Variants in FANCM observed in about 807,000 individuals in gnomAD.
FANCM encodes FA complementation group M.
Under a neutral mutation model 199.5 loss-of-function variants are expected in FANCM, and 140 were observed. That is an observed-to-expected ratio of 0.70 (90% CI 0.61 to 0.81). FANCM has a LOEUF of 0.81. Ranked by LOEUF, FANCM falls within the 30% of genes least tolerant of loss-of-function variation. FANCM has a pLI of 0.00. For missense variants in FANCM, 2,410 were observed against 2,421.4 expected (o/e 1.00, Z 0.10); for synonymous variants, 840 against 836.8 (o/e 1.00, Z -0.07).
intron 20 of FANCM, chr14:45,195,540 T>A (rs879276300): frequency 6.6e-6 from 3 of 456,558 alleles, no homozygotes; most frequent in African/African-American, 6.0e-5. Flanking sequence ...AAAGAGGAGC[T>A]CATGGTCCAC....
intron 11 of FANCM, among the ~76,000 whole-genome samples, chr14:45,170,084 G>A (rs1888242320): frequency 6.6e-6 from 1 of 152,066 alleles, no homozygotes. Flanking sequence ...CAGGTCTTAG[G>A]CAACCAAATG....
At position 45,185,329 on chromosome 14, in the gene FANCM, T is replaced by G; in HGVS notation, c.4628T>G (p.Leu1543Arg). The change falls in exon 18 of 23, where the codon CTT (leucine) becomes CGT (arginine). Residue 1543 changes from leucine (L) to arginine (R), a missense_variant. By Grantham distance (102) the Leu-to-Arg change is moderately radical. Coordinates refer to ENST00000267430, the MANE Select transcript of FANCM (RefSeq NM_020937.4). Reference protein sequence around the residue: ...ESENEQDSSLLDFLNDETQLS... With the variant: ...ESENEQDSSLRDFLNDETQLS... ...GAAAATGAACAAGATTCCTCATTAC[T>G]TGACTTTTTAAATGATGAAACTCAA... The G allele has an allele frequency of 6.3e-7, 1 of 1,593,774 alleles. No homozygotes were observed. Among genetic ancestry groups the G allele is most frequent in the Non-Finnish European group, 8.6e-7 (1 of 1,165,454 alleles).
At chr14:45,177,400 G>GT (rs1021504148) in intron 14 of FANCM, among the ~76,000 whole-genome samples, 2 of 151,658 alleles carry the variant, frequency 1.3e-5, no homozygotes, top group East Asian at 1.9e-4. Flanking sequence ...TTGTTTCTTT[G>GT]TTTTTTTTGA....
In FANCM at chr14:45,137,173, G is replaced by T. The variant is rs749880796; in HGVS notation, c.613G>T (p.Ala205Ser). The T allele has an allele frequency of 2.5e-6, 4 of 1,613,686 alleles. No homozygotes were observed. Among genetic ancestry groups the T allele is most frequent in the Non-Finnish European group, 3.4e-6 (4 of 1,179,888 alleles). Residue 205 changes from alanine to serine, a missense_variant, in exon 2 of 23, where the codon GCT becomes TCT. Physicochemically the swap from Ala to Ser is moderately conservative, Grantham distance 99. Transcript: ENST00000267430. ...VNDLSRGACP[A>S]AEIKCLVIDE... The stretch of plus-strand genomic sequence containing the variant: ...TGACCTTTCTAGAGGAGCTTGTCCC[G>T]CTGCTGAAATAAAGTGTTTAGTTAT...
intron 22 of FANCM, 27 bp downstream of exon 22, chr14:45,198,962 G>A (rs2139329535): frequency 6.4e-7 from 1 of 1,556,202 alleles, no homozygotes; most frequent in East Asian, 2.2e-5. Context: ...ATTTTTAAAT[G>A]ATTACTTTTA....
intron 3 of FANCM, among the ~76,000 whole-genome samples, chr14:45,146,101 C>T (rs1483412968): frequency 6.8e-6 from 1 of 147,334 alleles, no homozygotes; most frequent in Non-Finnish European, 1.5e-5. Context: ...ATTAGCCGGG[C>T]GTGGTGGTGG....
chr14:45,154,774 GCACGTA>G lies in FANCM; in HGVS notation c.1268_1273del (p.Thr423_Arg424del). ...CTATAATCATCTAGAGTGTATGTTT[GCACGTA>G]CACGTAGTACTTCAGCAAATGGTAT... On this transcript the variant is annotated inframe_deletion, in exon 7 of 23. Transcript: ENST00000267430. 1 of 1,604,520 alleles carries G rather than the reference GCACGTA, an allele frequency of 6.2e-7. No homozygotes were observed.
rs544136344 is a variant in FANCM, at chr14:45,196,910, T to C, written c.5716+363T>C. On this transcript the variant is annotated intron_variant, in intron 21 of 22. Coordinates refer to ENST00000267430, the MANE Select transcript of FANCM (RefSeq NM_020937.4). ...GTGGGAGGAGTTGAGAATTACTGAG[T>C]TGACCAACTTCTTGGTTATTGGGCA... 1.2e-4 allele frequency among the ~76,000 whole-genome samples: 18 copies of C among 152,310 alleles called. No individual in the cohort carries two copies. In the East Asian group the frequency reaches 3.3e-3, roughly 28 times the overall value.
chr14:45,183,655 A>G, intron 16 of FANCM, 119 bp from the exon 17 acceptor site: 1 of 653,208 alleles, frequency 1.5e-6, no homozygotes. Flanking sequence ...TACATTCTTA[A>G]GTATTTATAA....
intron 3 of FANCM, among the ~76,000 whole-genome samples, chr14:45,141,676 G>A (rs1224213732): frequency 2.0e-5 from 3 of 148,008 alleles, no homozygotes; most frequent in Admixed American, 1.4e-4. Flanking sequence ...TGCAACCTCC[G>A]CCTCCTGGAT....
Position 45,175,644 on chromosome 14 carries a change from G to C in FANCM, c.2890G>C (p.Glu964Gln). Residue 964 changes from glutamate (E) to glutamine (Q), a missense_variant, in exon 14 of 23, where the codon GAA (glutamate) becomes CAA (glutamine). Glu to Gln is a conservative substitution (Grantham distance 29, BLOSUM62 2). Transcript: ENST00000267430. ...TTCATCTAACTTATTTCTTCCATTC[G>C]AAGAAGAGCTTTATATTGTTAGAAC... ...SVSSNLFLPFEEELYIVRTDD... is the reference protein window; with the variant it reads ...SVSSNLFLPFQEELYIVRTDD... 1 of 1,613,030 alleles carries C rather than the reference G, an allele frequency of 6.2e-7. No individual in the cohort carries two copies. Among genetic ancestry groups the C allele is most frequent in the Non-Finnish European group, 8.5e-7 (1 of 1,179,306 alleles).
chr14:45,185,802 C>T (rs1016193204), intron 18 of FANCM, among the ~76,000 whole-genome samples: 4 of 152,046 alleles, frequency 2.6e-5, no homozygotes, highest in African/African-American at 9.7e-5. Context: ...TAAAGAGTTA[C>T]AGAAAAATAA....
intron 3 of FANCM, among the ~76,000 whole-genome samples, chr14:45,147,807 C>T (rs1214609644): frequency 5.9e-5 from 9 of 151,574 alleles, no homozygotes; most frequent in East Asian, 1.9e-4. Flanking sequence ...GCAGGAGAAT[C>T]GCTTGAACCC....
At chr14:45,143,901 T>C (rs1246675884) in intron 3 of FANCM, among the ~76,000 whole-genome samples, 1 of 150,322 alleles carries the variant, frequency 6.7e-6, no homozygotes, top group Non-Finnish European at 1.5e-5. Flanking sequence ...ACCATGTTGG[T>C]CAGGCTGGTC....
chr14:45,188,624 C>A (rs1267031717), intron 19 of FANCM, among the ~76,000 whole-genome samples, 178 bp from the exon 20 acceptor site: 1 of 151,992 alleles, frequency 6.6e-6, no homozygotes. Flanking sequence ...TTCCTTTATC[C>A]TCAAACTCAT....
In FANCM at chr14:45,151,583, G is replaced by T. The variant is rs1013305327; in HGVS notation, c.1050+55G>T. On this transcript the variant is annotated intron_variant, in intron 5 of 22. Transcript: ENST00000267430. ...AGATTAAATTTTCACTGAAAGCCAG[G>T]ATAAAACATAGGTAATGATATTTTG... is the stretch of plus-strand genomic sequence containing the variant. 2.7e-6 allele frequency: 4 copies of T among 1,497,268 alleles called. No homozygotes were observed. In the African/African-American group the frequency reaches 5.5e-5, roughly 21 times the overall value. 92.7% of individuals were successfully genotyped at this position (1,497,268 alleles called of 1,614,324 possible).
At position 45,185,314 on chromosome 14, in the gene FANCM, A is replaced by G; in HGVS notation, c.4613A>G (p.Gln1538Arg). The change falls in exon 18 of 23, where the codon CAA becomes CGA. Residue 1538 changes from glutamine to arginine, a missense_variant. Transcript: ENST00000267430. ...SDENDESENE[Q>R]DSSLLDFLND... is the part of the protein sequence containing the mutation. Reference sequence around the variant, plus strand: ...GAAAATGATGAGTCAGAAAATGAACAAGATTCCTCATTACTTGACTTTTTA... The same window carrying G: ...GAAAATGATGAGTCAGAAAATGAACGAGATTCCTCATTACTTGACTTTTTA... 1 of 1,596,824 alleles carries G rather than the reference A, an allele frequency of 6.3e-7. No homozygotes were observed. Among genetic ancestry groups the G allele is most frequent in the Admixed American group, 1.7e-5 (1 of 59,674 alleles).
At chr14:45,181,556 C>T (rs557201300) in intron 15 of FANCM, 32 bp downstream of exon 15, 1 of 1,515,380 alleles carries the variant, frequency 6.6e-7, no homozygotes, top group African/African-American at 1.4e-5. Context: ...ATAGTATAAT[C>T]ATATCAAAGG....
At chr14:45,174,192 G>C (rs182174506) in intron 13 of FANCM, among the ~76,000 whole-genome samples, 1 of 152,220 alleles carries the variant, frequency 6.6e-6, no homozygotes, top group African/African-American at 2.4e-5. Flanking sequence ...TTCGAGACCA[G>C]CCTGGCCAAT....
Sources: allele counts gnomAD v4.1 joint callset (sites outside exome capture counted in the v4.1 genomes callset), GRCh38; gene constraint gnomAD v4.1.1; transcripts MANE v1.5; gene names NCBI Gene and HGNC (gene_info 2026-07-23, HGNC 2026-07-21).